NPHS1: variants seen among roughly 807,000 people sequenced by gnomAD.
NPHS1 encodes the protein nephrin.
In NPHS1, 107 loss-of-function variants were observed where a neutral mutation model predicts 139.7. The observed-to-expected ratio is 0.77, with a 90% CI of 0.66 to 0.90. The LOEUF is 0.90. Ranked by LOEUF, NPHS1 falls within the 40% of genes least tolerant of loss-of-function variation. The probability of loss-of-function intolerance (pLI) is 0.00; values close to 1 mark genes in which losing one functional copy is unlikely to be tolerated. For synonymous variants in NPHS1, 707 were observed against 706.6 expected, an observed-to-expected ratio of 1.00 and a Z score of -0.01; for missense variants, 1,580 against 1,654.2, an observed-to-expected ratio of 0.96 and a Z score of 0.78.
chr19:35,841,696 C>T lies in NPHS1; in HGVS notation c.2815+19G>A, dbSNP rs777930700. ...CCAGGGAGCACCCCCTCCCCAACAC[C>T]CTCACAGCCCCTCCATACTGATGCT... is the stretch of plus-strand genomic sequence containing the variant. On this transcript the variant is annotated intron_variant, in intron 20 of 28. Transcript: ENST00000378910. 2.5e-6 allele frequency: 4 copies of T among 1,614,046 alleles called. No individual in the cohort carries two copies. The highest frequency in any genetic ancestry group is 1.7e-6 in the Non-Finnish European group (2 of 1,179,938).
intron 25 of NPHS1, 24 bp from the exon 26 acceptor site, chr19:35,831,395 G>A: frequency 6.2e-7 from 1 of 1,613,580 alleles, no homozygotes; most frequent in Non-Finnish European, 8.5e-7. Flanking sequence ...GGTGTGGGGG[G>A]AAGTTGAGTG....
At position 35,851,888 on chromosome 19, in the gene NPHS1, G is replaced by A. The variant is rs373805932; in HGVS notation, c.-51C>T. 46 of 1,501,926 alleles carry A rather than the reference G, an allele frequency of 3.1e-5. No homozygotes were observed. Among genetic ancestry groups the A allele is most frequent in the Middle Eastern group, 4.4e-4 (2 of 4,568 alleles). The allele number at this position is 1,501,926 out of a possible 1,614,324, so 93.0% of individuals were successfully genotyped here. A position where few individuals can be genotyped will look rare whatever the true frequency, so the allele number is the denominator to read the frequency against. On this transcript the variant is annotated 5_prime_UTR_variant, in exon 1 of 29. The change creates a new upstream start codon in the 5' untranslated region. Transcript: ENST00000378910. ...ACAGCGCCCGCTGCCAGCCACCTGC[G>A]TCTGTCTGGCTTTCTCTGGGTCCCT...
rs1973276459 is a variant in NPHS1 at position 35,851,891 on chromosome 19, T to C, written c.-54A>G. 1 of 1,500,602 alleles carries C rather than the reference T, an allele frequency of 6.7e-7. No homozygotes were observed. The highest frequency in any genetic ancestry group is 2.5e-5 in the East Asian group (1 of 40,664). 93.0% of individuals were successfully genotyped at this position (1,500,602 alleles called of 1,614,324 possible). A position where few individuals can be genotyped will look rare whatever the true frequency, so the allele number is the denominator to read the frequency against. On this transcript the variant is annotated 5_prime_UTR_variant, in exon 1 of 29. Coordinates refer to ENST00000378910, the MANE Select transcript of NPHS1 (RefSeq NM_004646.4). The stretch of plus-strand genomic sequence containing the variant: ...GCGCCCGCTGCCAGCCACCTGCGTC[T>C]GTCTGGCTTTCTCTGGGTCCCTCTC...
Position 35,844,414 on chromosome 19 carries a change from A to T in NPHS1, c.1976T>A (p.Val659Glu). 1.9e-6 allele frequency: 3 copies of T among 1,604,490 alleles called. No individual in the cohort carries two copies. Among genetic ancestry groups the T allele is most frequent in the Non-Finnish European group, 2.6e-6 (3 of 1,176,166 alleles). ...LGEQVLVVTAVEQGEALLPVS... is the reference protein window; with the variant it reads ...LGEQVLVVTAEEQGEALLPVS... ...GGGCAGCAACGCCTCGCCCTGCTCC[A>T]CCGCGGTCACCACCAGCACCTGCTC... Residue 659 changes from valine to glutamate, a missense_variant, in exon 15 of 29, where the codon GTG (valine) becomes GAG (glutamate). Transcript: ENST00000378910.
Position 35,833,710 on chromosome 19 carries a change from T to C in NPHS1, c.3167-1948A>G, listed in dbSNP as rs995967468. ...ATATACCAAGACTTTTTCTTTTTTTTCTTGAGACAGGGTCTCAACTCTGTT... is the reference window on the plus strand; with the variant it reads ...ATATACCAAGACTTTTTCTTTTTTTCCTTGAGACAGGGTCTCAACTCTGTT... On this transcript the variant is annotated intron_variant, in intron 23 of 28. Transcript: ENST00000378910. Among the ~76,000 whole-genome samples the C allele has an allele frequency of 3.9e-5, 6 of 152,264 alleles. No homozygotes were observed. The South Asian group carries it at 6.2e-4, about 16-fold the overall frequency.
At chr19:35,846,340 C>A (rs1973142322) in intron 11 of NPHS1, 146 bp from the exon 12 acceptor site, 10 of 810,456 alleles carry the variant, frequency 1.2e-5, no homozygotes, top group Non-Finnish European at 1.8e-5. Flanking sequence ...CAGCACCACC[C>A]CCCTAGGGCA....
rs1156261469 is a variant in NPHS1, at chr19:35,842,288, G to C, written c.2507-8C>G. Reference sequence around the variant, plus strand: ...GCTCCACCTGGGGGGCAACTGGGAGGGGATGGGCAGTCAACATGAGCTATG... The same window carrying C: ...GCTCCACCTGGGGGGCAACTGGGAGCGGATGGGCAGTCAACATGAGCTATG... On this transcript the variant is annotated splice_polypyrimidine_tract_variant and splice_region_variant and intron_variant, in intron 18 of 28. Transcript: ENST00000378910. 6 of 1,612,228 alleles carry C rather than the reference G, an allele frequency of 3.7e-6. No individual in the cohort carries two copies. The highest frequency in any genetic ancestry group is 5.1e-6 in the Non-Finnish European group (6 of 1,180,016).
chr19:35,851,334 A>T lies in NPHS1; in HGVS notation c.325T>A (p.Tyr109Asn). The change falls in exon 3 of 29, where the codon TAT (tyrosine) becomes AAT (asparagine). Residue 109 changes from tyrosine to asparagine, a missense_variant. Transcript: ENST00000378910. ...TCAGAGCGGCCGACCTGGCACTCAT[A>T]CTCCGCGTCATCGCTGAGGTCACAG... The part of the protein sequence containing the change: ...EACDLSDDAE[Y>N]ECQVGRSEMG... The T allele has an allele frequency of 1.9e-6, 3 of 1,613,422 alleles. No homozygotes were observed. Among genetic ancestry groups the T allele is most frequent in the Non-Finnish European group, 2.5e-6 (3 of 1,179,804 alleles).
intron 28 of NPHS1, among the ~76,000 whole-genome samples, chr19:35,828,381 T>TC (rs1351366167): frequency 2.0e-5 from 3 of 152,094 alleles, no homozygotes; most frequent in African/African-American, 4.8e-5. Flanking sequence ...TTCTCCTGCC[T>TC]AGCCTCCCGA....
At chr19:35,836,041 C>A (rs1402179161) in intron 22 of NPHS1, among the ~76,000 whole-genome samples, 1 of 146,624 alleles carries the variant, frequency 6.8e-6, no homozygotes, top group East Asian at 2.0e-4. Flanking sequence ...CTCACTGAAA[C>A]CTCTGCCTCC....
At chr19:35,835,057 A>G (rs983266461) in intron 23 of NPHS1, among the ~76,000 whole-genome samples, 1 of 147,444 alleles carries the variant, frequency 6.8e-6, no homozygotes, top group Admixed American at 6.8e-5. Context: ...ACAATTAGCC[A>G]GGTGTGGTGG....
In NPHS1 at chr19:35,848,247, G is replaced by T. The variant is rs1002285148; in HGVS notation, c.1315+6C>A. The T allele has an allele frequency of 3.1e-6, 5 of 1,614,148 alleles. 1 individual carries two copies. The highest frequency in any genetic ancestry group is 4.2e-6 in the Non-Finnish European group (5 of 1,180,026). On this transcript the variant is annotated splice_donor_region_variant and intron_variant, in intron 10 of 28. Coordinates refer to ENST00000378910, the MANE Select transcript of NPHS1 (RefSeq NM_004646.4). Reference sequence around the variant, plus strand: ...GGGGCATTGCTGGGCCAGGGCAGGGGCTCACATTTTACGTTCAGGATGAGC... The same window carrying T: ...GGGGCATTGCTGGGCCAGGGCAGGGTCTCACATTTTACGTTCAGGATGAGC...
In NPHS1 at chr19:35,848,691, T is replaced by C. The variant is rs754807470; in HGVS notation, c.1116A>G (p.Leu372=). The change falls in exon 9 of 29, where the codon CTA becomes CTG. Residue 372 remains leucine (L), a synonymous_variant. Coordinates refer to ENST00000378910, the MANE Select transcript of NPHS1 (RefSeq NM_004646.4). The stretch of plus-strand genomic sequence containing the variant: ...GCTGCCGCCAGCCCAGCCACCATCG[T>C]AGCAGAACCCGCGGGCGACTGGACT... ...VSKSSRPRVL[L]RWWLGWRQLL... The C allele has an allele frequency of 1.2e-6, 2 of 1,614,126 alleles. No homozygotes were observed. The highest frequency in any genetic ancestry group is 1.7e-5 in the Admixed American group (1 of 60,020).
At chr19:35,844,042 A>G in intron 16 of NPHS1, 61 bp downstream of exon 16, 3 of 1,581,600 alleles carry the variant, frequency 1.9e-6, no homozygotes, top group African/African-American at 1.3e-5. Context: ...CACAATGAGG[A>G]GACTCCACAA....
At position 35,849,303 on chromosome 19, in the gene NPHS1, C is replaced by G. The variant is rs1973193289; in HGVS notation, c.773G>C (p.Gly258Ala). The part of the protein sequence containing the change: ...PGLDEGHVRA[G>A]QSLELPCVAR... Reference sequence around the variant, plus strand: ...CACGCACGGCAGCTCCAAGCTCTGTCCTGCCCGCACGTGCCCCTCATCCAG... The same window carrying G: ...CACGCACGGCAGCTCCAAGCTCTGTGCTGCCCGCACGTGCCCCTCATCCAG... Residue 258 changes from glycine to alanine, a missense_variant, in exon 7 of 29, where the codon GGA (glycine) becomes GCA (alanine). Coordinates refer to ENST00000378910, the MANE Select transcript of NPHS1 (RefSeq NM_004646.4). 6.2e-7 allele frequency: 1 copy of G among 1,613,236 alleles called. No homozygotes were observed. The highest frequency in any genetic ancestry group is 1.3e-5 in the African/African-American group (1 of 75,048).
intron 28 of NPHS1, among the ~76,000 whole-genome samples, chr19:35,827,753 C>T (rs979353669): frequency 4.6e-5 from 7 of 152,022 alleles, no homozygotes; most frequent in African/African-American, 1.7e-4. Flanking sequence ...CCTGTCTCTA[C>T]TAAAAATACA....
At chr19:35,839,641 A>G (rs1278198440) in intron 20 of NPHS1, 34 bp from the exon 21 acceptor site, 1 of 1,513,422 alleles carries the variant, frequency 6.6e-7, no homozygotes, top group Non-Finnish European at 9.2e-7. Flanking sequence ...CAGTCAGAGG[A>G]TACAAAAGAA....
rs115900005 is a variant in NPHS1 at position 35,834,535 on chromosome 19, C to T, written c.3166+1170G>A. The stretch of plus-strand genomic sequence containing the variant: ...AGGACATGGAGTGAGCTAATTCTTA[C>T]GGAATTAAACTAAATTTGGAAGAGA... On this transcript the variant is annotated intron_variant, in intron 23 of 28. Transcript: ENST00000378910. Among the ~76,000 whole-genome samples, 619 of 151,730 alleles carry T rather than the reference C, an allele frequency of 4.1e-3. 4 individuals are homozygous for T. The highest frequency in any genetic ancestry group is 0.014 in the African/African-American group (585 of 41,178).
intron 22 of NPHS1, among the ~76,000 whole-genome samples, chr19:35,837,896 C>A (rs1225788373): frequency 7.7e-6 from 1 of 130,382 alleles, no homozygotes; most frequent in Non-Finnish European, 1.6e-5. Context: ...GCCACAGTTT[C>A]TTAAGATGAA....
Sources: gnomAD v4.1 joint callset for allele counts (sites outside exome capture counted in the v4.1 genomes callset) on GRCh38, gnomAD v4.1.1 for gene constraint, MANE v1.5 for transcripts, NCBI Gene and HGNC (gene_info 2026-07-23, HGNC 2026-07-21) for gene names.